The following TANC2 variants were observed in gnomAD, a reference collection of about 807,000 sequenced individuals.
TANC2 encodes the protein tetratricopeptide repeat, ankyrin repeat and coiled-coil containing 2, also known as protein TANC2.
A neutral mutation model predicts 210.5 loss-of-function variants in TANC2; 26 were observed. That is an observed-to-expected ratio of 0.12 (90% CI 0.09 to 0.17). The LOEUF (loss-of-function observed/expected upper bound fraction) is 0.17, where lower values mean the gene tolerates loss of function less well. Among genes scored for constraint, TANC2 ranks in the 10% least tolerant of loss-of-function variants. The pLI, the probability that TANC2 is intolerant of heterozygous loss-of-function variation, is 1.00. For synonymous variants in TANC2, 931 were observed against 967.1 expected, an observed-to-expected ratio of 0.96 and a Z score of 0.69; for missense variants, 2,129 against 2,608.9, an observed-to-expected ratio of 0.82 and a Z score of 4.01.
At chr17:63,378,337 C>T (rs952063398) in intron 14 of TANC2, among the ~76,000 whole-genome samples, 6 of 151,848 alleles carry the variant, frequency 4.0e-5, no homozygotes, top group Admixed American at 1.3e-4. Context: ...ACATGTCACA[C>T]ATACATACAC....
At chr17:63,286,127 T>C (rs1181224238) in intron 9 of TANC2, among the ~76,000 whole-genome samples, 1 of 152,242 alleles carries the variant, frequency 6.6e-6, no homozygotes, top group African/African-American at 2.4e-5. Context: ...CAGTTAGTTA[T>C]CTTTTAAAGA....
intron 3 of TANC2, among the ~76,000 whole-genome samples, chr17:63,084,963 AAGT>A (rs1476412540): frequency 1.3e-5 from 2 of 152,078 alleles, no homozygotes; most frequent in Non-Finnish European, 2.9e-5. Flanking sequence ...TTGTAATGTG[AAGT>A]AGTCCATAGG....
At chr17:63,043,255 A>G (rs1461485758) in intron 2 of TANC2, among the ~76,000 whole-genome samples, 2 of 152,084 alleles carry the variant, frequency 1.3e-5, no homozygotes, top group South Asian at 4.1e-4. Flanking sequence ...TGTTATTGCC[A>G]CTTCTCTAGC....
At chr17:63,128,221 T>A (rs1364089836) in intron 4 of TANC2, among the ~76,000 whole-genome samples, 7 of 152,160 alleles carry the variant, frequency 4.6e-5, no homozygotes, top group African/African-American at 1.7e-4. Flanking sequence ...TTGTACATTT[T>A]AAAATAACTA....
At chr17:62,984,292 G>C (rs914804464) in intron 1 of TANC2, among the ~76,000 whole-genome samples, 1 of 151,950 alleles carries the variant, frequency 6.6e-6, no homozygotes, top group Non-Finnish European at 1.5e-5. Context: ...GTGATTCTTT[G>C]TATTTCCGTG....
chr17:62,976,682 C>T (rs370501787), intron 1 of TANC2, among the ~76,000 whole-genome samples: 11 of 152,132 alleles, frequency 7.2e-5, no homozygotes, highest in Admixed American at 3.3e-4. Context: ...TTCAAAGATC[C>T]GTGCTAACAT....
intron 4 of TANC2, among the ~76,000 whole-genome samples, chr17:63,103,729 A>T (rs564252918): frequency 6.6e-6 from 1 of 152,334 alleles, no homozygotes; most frequent in East Asian, 1.9e-4. Flanking sequence ...TTTTCATGTT[A>T]GATACCAGTG....
intron 14 of TANC2, among the ~76,000 whole-genome samples, chr17:63,367,784 T>C (rs946327466): frequency 1.3e-5 from 2 of 152,100 alleles, no homozygotes; most frequent in Non-Finnish European, 2.9e-5. Context: ...GAGAATAAGA[T>C]GCGTGATCAG....
Position 63,420,226 on chromosome 17 carries a change from A to G in TANC2, c.4496A>G (p.Tyr1499Cys), listed in dbSNP as rs2048982197. The G allele has an allele frequency of 6.2e-7, 1 of 1,612,078 alleles. No individual in the cohort carries two copies. Among genetic ancestry groups the G allele is most frequent in the African/African-American group, 1.3e-5 (1 of 74,880 alleles). The change falls in exon 28 of 28, where the codon TAC (tyrosine) becomes TGC (cysteine). Residue 1499 changes from tyrosine (Y) to cysteine (C), a missense_variant. Physicochemically the swap from Tyr to Cys is radical, Grantham distance 194. Coordinates refer to ENST00000689528, the Ensembl canonical transcript of TANC2. This position sits in a 1 kb window ranked among gnomAD's most constrained non-coding sequence, Gnocchi z 4.2. ...GTACAGGATATATTCGAGGAGGAGT[A>G]CCTGGAACAGGATGTTGAAAATGTT...
At chr17:63,209,796 A>T (rs1482180546) in intron 7 of TANC2, among the ~76,000 whole-genome samples, 1 of 152,028 alleles carries the variant, frequency 6.6e-6, no homozygotes, top group African/African-American at 2.4e-5. Flanking sequence ...TGTAGACATC[A>T]TTATCAGGTT....
intron 9 of TANC2, among the ~76,000 whole-genome samples, chr17:63,271,526 G>A (rs1046620273): frequency 2.0e-5 from 3 of 151,040 alleles, no homozygotes; most frequent in Non-Finnish European, 4.4e-5. Context: ...TGCCATGGTG[G>A]TTTGCTGCAC....
At chr17:63,150,739 T>A (rs946118924) in intron 4 of TANC2, 1 of 152,200 alleles carries the variant, frequency 6.6e-6, no homozygotes, top group Non-Finnish European at 1.5e-5. Context: ...TAATCCTACT[T>A]ATGGTGTTTA....
chr17:63,398,076 A>T (rs1172315672), intron 18 of TANC2, among the ~76,000 whole-genome samples: 2 of 152,122 alleles, frequency 1.3e-5, no homozygotes, highest in Non-Finnish European at 2.9e-5. Flanking sequence ...GTGTTTAGAG[A>T]TTTTTCTCCC....
At chr17:63,398,489 A>G (rs934775711) in intron 18 of TANC2, among the ~76,000 whole-genome samples, 1 of 151,730 alleles carries the variant, frequency 6.6e-6, no homozygotes, top group Non-Finnish European at 1.5e-5. Context: ...ACAGGCCCTC[A>G]GTTTTCTCGT....
intron 9 of TANC2, 85 bp from the exon 10 acceptor site, chr17:63,314,303 C>G (rs2045238856): frequency 6.7e-7 from 1 of 1,502,326 alleles, no homozygotes; most frequent in Non-Finnish European, 9.1e-7. Context: ...ACTCAAGTCC[C>G]TAAACCACAC....
intron 17 of TANC2, chr17:63,390,283 A>C (rs1390768202): frequency 1.3e-5 from 2 of 152,386 alleles, no homozygotes; most frequent in Non-Finnish European, 2.9e-5. Flanking sequence ...GTGAAATACA[A>C]GTCATAGTAT....
exon 14 of TANC2, chr17:63,355,354 A>G (rs2046749641): frequency 6.3e-7 from 1 of 1,597,472 alleles, no homozygotes; most frequent in South Asian, 1.1e-5. Context: ...ATCTGGAGAG[A>G]AGAAGGAGAG....
chr17:63,073,860 A>G lies in TANC2; in HGVS notation c.68-83A>G. 4.6e-6 allele frequency: 5 copies of G among 1,094,538 alleles called. No homozygotes were observed. In the South Asian group the frequency reaches 5.8e-5, roughly 13 times the overall value. 67.8% of individuals were successfully genotyped at this position (1,094,538 alleles called of 1,614,324 possible). A position where few individuals can be genotyped will look rare whatever the true frequency, so the allele number is the denominator to read the frequency against. On this transcript the variant is annotated intron_variant, in intron 2 of 27. Transcript: ENST00000689528. The stretch of plus-strand genomic sequence containing the variant: ...AATACAAATAAATGATCGATATAGT[A>G]GTTTTAAATGTAGATAATGTCAGAG...
Position 63,009,642 on chromosome 17 carries a change from A to C in TANC2, c.67+16A>C, listed in dbSNP as rs779410584. 5.0e-6 allele frequency: 8 copies of C among 1,606,994 alleles called. No homozygotes were observed. Among genetic ancestry groups the C allele is most frequent in the Middle Eastern group, 1.7e-4 (1 of 6,058 alleles). On this transcript the variant is annotated intron_variant, in intron 2 of 27. Coordinates refer to ENST00000689528, the Ensembl canonical transcript of TANC2. Reference sequence around the variant, plus strand: ...AGGTCAAGTGGTAAGTGACTATGCTACATTTATTGTGCGTGATATTTTACA... The same window carrying C: ...AGGTCAAGTGGTAAGTGACTATGCTCCATTTATTGTGCGTGATATTTTACA...
Sources: allele counts gnomAD v4.1 joint callset (sites outside exome capture counted in the v4.1 genomes callset), GRCh38; gene constraint gnomAD v4.1.1; non-coding constraint Gnocchi (gnomAD v3.1); transcripts MANE v1.5; gene names NCBI Gene and HGNC (gene_info 2026-07-23, HGNC 2026-07-21).